CREB5: variants seen among roughly 807,000 people sequenced by gnomAD.
The protein encoded by CREB5 is cAMP responsive element binding protein 5, also known as cyclic AMP-responsive element-binding protein 5.
Under a neutral mutation model 57.1 loss-of-function variants are expected in CREB5, and 19 were observed. The ratio of observed to expected loss-of-function variants is 0.33; its 90% CI spans 0.23 to 0.49. CREB5 has a LOEUF of 0.49. Ranked by LOEUF, CREB5 falls within the 20% of genes least tolerant of loss-of-function variation. CREB5 has a pLI of 0.99. For synonymous variants in CREB5, 238 were observed against 238.3 expected (o/e 1.00, Z 0.01); for missense variants, 579 against 671.6 (o/e 0.86, Z 1.52).
chr7:28,326,951 C>A (rs1562658211), intron 1 of CREB5, among the ~76,000 whole-genome samples: 3 of 151,866 alleles, frequency 2.0e-5, no homozygotes, highest in African/African-American at 4.8e-5. Flanking sequence ...AGTTCAAGAC[C>A]AACCTGGCCA....
chr7:28,553,112 C>A (rs926606420), intron 4 of CREB5, among the ~76,000 whole-genome samples: 4 of 152,198 alleles, frequency 2.6e-5, no homozygotes, highest in African/African-American at 9.7e-5. Context: ...ATTCTCTAAA[C>A]AAGAACAACT....
intron 1 of CREB5, among the ~76,000 whole-genome samples, chr7:28,349,438 A>G (rs2127990293): frequency 6.6e-6 from 1 of 151,130 alleles, no homozygotes; most frequent in African/African-American, 2.4e-5. Flanking sequence ...CCCCATTCCC[A>G]TTCAATCTAG....
intron 7 of CREB5, among the ~76,000 whole-genome samples, chr7:28,743,626 G>A (rs1322787386): frequency 6.6e-6 from 1 of 152,170 alleles, no homozygotes; most frequent in Non-Finnish European, 1.5e-5. Context: ...CGCAGACTGA[G>A]TAGCTTAAAC....
In CREB5 at chr7:28,762,213, G is replaced by A. The variant is rs368580694; in HGVS notation, c.702+37881G>A. 6.6e-5 allele frequency among the ~76,000 whole-genome samples: 10 copies of A among 152,234 alleles called. No individual in the cohort carries two copies. The East Asian group carries it at 1.2e-3, about 18-fold the overall frequency. On this transcript the variant is annotated intron_variant, in intron 7 of 10. Coordinates refer to ENST00000357727, the MANE Select transcript of CREB5 (RefSeq NM_182898.4). ...ATTATTTTGGTTGTCAATTTGGGTC[G>A]ATGAACTTCAAACCCCACATTTCAA... is the stretch of plus-strand genomic sequence containing the variant.
chr7:28,714,330 A>C (rs1185303248), intron 5 of CREB5, among the ~76,000 whole-genome samples: 2 of 151,830 alleles, frequency 1.3e-5, no homozygotes, highest in Non-Finnish European at 2.9e-5. Flanking sequence ...CTTCTAACCT[A>C]CTTTTTTTTT....
intron 1 of CREB5, among the ~76,000 whole-genome samples, chr7:28,341,080 A>G (rs1785927097): frequency 6.6e-6 from 1 of 152,024 alleles, no homozygotes; most frequent in Non-Finnish European, 1.5e-5. Flanking sequence ...CGAAGTTAAA[A>G]CTAGGTACTG....
Position 28,819,576 on chromosome 7 carries a change from A to C in CREB5, c.*297A>C. The C allele has an allele frequency of 3.7e-6, 1 of 270,218 alleles. No homozygotes were observed. The highest frequency in any genetic ancestry group is 7.0e-6 in the Non-Finnish European group (1 of 142,322). The allele number at this position is 270,218 out of a possible 1,614,324, so 16.7% of individuals were successfully genotyped here. ...CTTTTCTGTATATAGCCATGGTTTCATTCTTATCAGTCCAACCCTTTGCCT... is the reference window on the plus strand; with the variant it reads ...CTTTTCTGTATATAGCCATGGTTTCCTTCTTATCAGTCCAACCCTTTGCCT... On this transcript the variant is annotated 3_prime_UTR_variant, in exon 11 of 11. Transcript: ENST00000357727.
chr7:28,374,643 A>G (rs1786785615), intron 1 of CREB5, among the ~76,000 whole-genome samples: 1 of 152,196 alleles, frequency 6.6e-6, no homozygotes, highest in African/African-American at 2.4e-5. Context: ...TGAAATTTCT[A>G]GAAAAGGTGT....
chr7:28,410,066 G>A (rs768965895), upstream of CREB5: 7 of 409,292 alleles, frequency 1.7e-5, no homozygotes, highest in South Asian at 1.1e-4. Flanking sequence ...CCTAGGGGGC[G>A]GGTGGGCGCG....
rs79921221 is a variant in CREB5, at chr7:28,574,507, C to G, written c.464+3970C>G. ...TCTTAATAGATCCCAGCTTTCTTAA[C>G]TAAGTTGATTCTTCTTTATGGATAA... On this transcript the variant is annotated intron_variant, in intron 5 of 10. Coordinates refer to ENST00000357727, the MANE Select transcript of CREB5 (RefSeq NM_182898.4). Among the ~76,000 whole-genome samples, 1,260 of 152,284 alleles carry G rather than the reference C, an allele frequency of 8.3e-3. 53 individuals carry two copies. The highest frequency in any genetic ancestry group is 0.064 in the Admixed American group (980 of 15,300).
intron 2 of CREB5, among the ~76,000 whole-genome samples, chr7:28,490,416 AG>A (rs1161223215): frequency 2.0e-5 from 3 of 152,190 alleles, no homozygotes; most frequent in African/African-American, 7.2e-5. Flanking sequence ...AAGGCAAAAG[AG>A]GGTTCAGGGT....
chr7:28,697,269 T>TCATA (rs1263217417), intron 5 of CREB5, among the ~76,000 whole-genome samples: 1 of 152,162 alleles, frequency 6.6e-6, no homozygotes, highest in Non-Finnish European at 1.5e-5. Flanking sequence ...CACACTGGTA[T>TCATA]CATAGAAAGG....
intron 5 of CREB5, among the ~76,000 whole-genome samples, chr7:28,690,623 T>C (rs1562574387): frequency 6.6e-6 from 1 of 152,148 alleles, no homozygotes; most frequent in Non-Finnish European, 1.5e-5. Context: ...ATAACCAGAC[T>C]GACCTCGAGG....
At chr7:28,747,389 G>A (rs1804743997) in intron 7 of CREB5, among the ~76,000 whole-genome samples, 1 of 152,214 alleles carries the variant, frequency 6.6e-6, no homozygotes, top group African/African-American at 2.4e-5. Flanking sequence ...GTCCCATAAT[G>A]AGAAAGAAGC....
chr7:28,504,771 G>A (rs1792412130), intron 3 of CREB5, among the ~76,000 whole-genome samples: 1 of 152,112 alleles, frequency 6.6e-6, no homozygotes, highest in Admixed American at 6.6e-5. Flanking sequence ...AGTAGGAACT[G>A]TTACCCACTC....
At chr7:28,730,879 C>G (rs1725646163) in intron 7 of CREB5, among the ~76,000 whole-genome samples, 3 of 152,126 alleles carry the variant, frequency 2.0e-5, no homozygotes, top group African/African-American at 7.2e-5. Flanking sequence ...CATGCTATCC[C>G]TGGCGTTCCC....
chr7:28,452,616 C>A (rs1032723684), intron 1 of CREB5, among the ~76,000 whole-genome samples: 1 of 152,142 alleles, frequency 6.6e-6, no homozygotes, highest in Admixed American at 6.5e-5. Context: ...TGTTACCATC[C>A]CTAGACCTGC....
intron 9 of CREB5, among the ~76,000 whole-genome samples, chr7:28,811,525 C>T (rs561643251): frequency 5.3e-4 from 80 of 152,208 alleles, no homozygotes; most frequent in African/African-American, 1.8e-3. Context: ...AAGGTGCACA[C>T]CGCCATGCCT....
intron 9 of CREB5, among the ~76,000 whole-genome samples, chr7:28,812,161 A>T (rs1809156023): frequency 6.6e-6 from 1 of 152,216 alleles, no homozygotes. Context: ...CCTTAGTTGT[A>T]AACCACTGCT....
Sources: allele counts gnomAD v4.1 joint callset (sites outside exome capture counted in the v4.1 genomes callset), GRCh38; gene constraint gnomAD v4.1.1; transcripts MANE v1.5; gene names NCBI Gene and HGNC (gene_info 2026-07-23, HGNC 2026-07-21).